Variants in DCC observed in about 807,000 individuals in gnomAD.
The protein encoded by DCC is netrin receptor DCC.
DCC carries 58 observed loss-of-function variants against 172.5 expected under a neutral mutation model. The observed-to-expected ratio is 0.34, with a 90% CI of 0.27 to 0.42. The LOEUF (loss-of-function observed/expected upper bound fraction) is 0.42, where lower values mean the gene tolerates loss of function less well. DCC is among the 10% of genes least tolerant of loss of function. The pLI is 1.00. For missense variants in DCC, 1,740 were observed against 1,791.0 expected (o/e 0.97, Z 0.51); for synonymous variants, 709 against 644.5 (o/e 1.10, Z -1.52).
At chr18:52,573,887 C>T (rs2033355087) in intron 1 of DCC, among the ~76,000 whole-genome samples, 1 of 152,164 alleles carries the variant, frequency 6.6e-6, no homozygotes, top group Non-Finnish European at 1.5e-5. Context: ...ATGACCACCT[C>T]TTATCAGTTT....
chr18:52,415,914 G>A lies in DCC; in HGVS notation c.91+75036G>A, dbSNP rs1250577148. The stretch of plus-strand genomic sequence containing the variant: ...TTTAGTTATTTCTTGCCGTCTGCTA[G>A]CTTTTGAATATGTTTGCTCTTGCTT... On this transcript the variant is annotated intron_variant, in intron 1 of 28. Coordinates refer to ENST00000442544, the MANE Select transcript of DCC (RefSeq NM_005215.4). Among the ~76,000 whole-genome samples the A allele has an allele frequency of 4.6e-5, 7 of 152,096 alleles. No homozygotes were observed. In the East Asian group the frequency reaches 1.2e-3, roughly 25 times the overall value.
At chr18:53,260,924 C>T (rs1487692189) in intron 12 of DCC, among the ~76,000 whole-genome samples, 7 of 152,126 alleles carry the variant, frequency 4.6e-5, no homozygotes, top group East Asian at 3.9e-4. Context: ...CCCCCAGCCT[C>T]GCTGCCACCT....
intron 1 of DCC, among the ~76,000 whole-genome samples, chr18:52,497,613 G>T (rs1440726029): frequency 6.6e-6 from 1 of 151,686 alleles, no homozygotes; most frequent in Non-Finnish European, 1.5e-5. Context: ...TAAATTTTAG[G>T]ATGAATCCCA....
At chr18:53,047,383 ATATT>A (rs2042263170) in intron 5 of DCC, among the ~76,000 whole-genome samples, 1 of 124,444 alleles carries the variant, frequency 8.0e-6, no homozygotes, top group Admixed American at 8.7e-5. Context: ...TATACTTTAT[ATATT>A]ATATAAAATA....
At chr18:52,736,243 G>A (rs2036725249) in intron 1 of DCC, among the ~76,000 whole-genome samples, 1 of 149,708 alleles carries the variant, frequency 6.7e-6, no homozygotes, top group East Asian at 2.0e-4. Context: ...AGGATCAAAA[G>A]AGGCTGTTAT....
chr18:52,766,285 G>A (rs62081917), intron 2 of DCC, among the ~76,000 whole-genome samples: 14,690 of 152,224 alleles, frequency 0.097, 909 homozygotes, highest in Middle Eastern at 0.2. Flanking sequence ...CTGCAATTCC[G>A]GAAGGCCCAG....
At chr18:52,414,814 A>T (rs914523906) in intron 1 of DCC, among the ~76,000 whole-genome samples, 7 of 152,230 alleles carry the variant, frequency 4.6e-5, no homozygotes, top group Non-Finnish European at 7.3e-5. Context: ...TGAAAAATGC[A>T]GTAGTTAATT....
chr18:53,434,085 C>G (rs1705506651), intron 21 of DCC, among the ~76,000 whole-genome samples: 1 of 151,948 alleles, frequency 6.6e-6, no homozygotes, highest in Non-Finnish European at 1.5e-5. Context: ...GTTTGTCATG[C>G]AAAATAAAGT....
At chr18:52,467,446 A>G (rs1182646926) in intron 1 of DCC, among the ~76,000 whole-genome samples, 1 of 152,170 alleles carries the variant, frequency 6.6e-6, no homozygotes, top group African/African-American at 2.4e-5. Flanking sequence ...CCAGTCTATC[A>G]TTGATGGACA....
chr18:53,305,685 A>G lies in DCC; in HGVS notation c.2019A>G (p.Thr673=), dbSNP rs1416263579. Residue 673 remains threonine, a synonymous_variant, in exon 13 of 29, where the codon ACA becomes ACG. Transcript: ENST00000442544. ...CGACCCGCAGGGGTGAGATGGAAAC[A>G]CTGGAGCCAAACAACCTCTGGTACC... is the stretch of plus-strand genomic sequence containing the variant. The part of the protein sequence containing the change: ...RKTTRRGEME[T]LEPNNLWYLF... The G allele has an allele frequency of 6.2e-7, 1 of 1,614,060 alleles. No homozygotes were observed. Among genetic ancestry groups the G allele is most frequent in the Admixed American group, 1.7e-5 (1 of 60,014 alleles).
chr18:52,925,633 T>G (rs929988309), intron 5 of DCC, among the ~76,000 whole-genome samples: 10 of 151,978 alleles, frequency 6.6e-5, no homozygotes, highest in Admixed American at 2.6e-4. Flanking sequence ...CCAAAAATTA[T>G]TAATGGCAGA....
At chr18:52,354,508 C>G (rs571249655) in intron 1 of DCC, among the ~76,000 whole-genome samples, 29 of 152,188 alleles carry the variant, frequency 1.9e-4, no homozygotes, top group Admixed American at 1.7e-3. Context: ...TTTTTTTAAC[C>G]AACTCCTTGG....
chr18:53,353,584 T>A (rs1340638799), intron 15 of DCC, among the ~76,000 whole-genome samples: 1 of 152,160 alleles, frequency 6.6e-6, no homozygotes, highest in East Asian at 1.9e-4. Flanking sequence ...TGTAACATCA[T>A]TGTGCTGGTG....
chr18:53,041,338 TTCTGAAGCC>T (rs1361870806), intron 5 of DCC, among the ~76,000 whole-genome samples: 1 of 152,040 alleles, frequency 6.6e-6, no homozygotes, highest in Non-Finnish European at 1.5e-5. Flanking sequence ...GTGGTGTTAT[TTCTGAAGCC>T]TCTGTTTTAA....
At chr18:53,221,611 T>C (rs2055933318) in intron 12 of DCC, among the ~76,000 whole-genome samples, 1 of 152,132 alleles carries the variant, frequency 6.6e-6, no homozygotes. Flanking sequence ...TTCTACCCAA[T>C]TACAGAATCC....
chr18:52,379,955 G>T (rs1343324634), intron 1 of DCC, among the ~76,000 whole-genome samples: 1 of 152,128 alleles, frequency 6.6e-6, no homozygotes, highest in Non-Finnish European at 1.5e-5. Flanking sequence ...TAGTTCTGGA[G>T]GCTGGGAAGT....
intron 1 of DCC, among the ~76,000 whole-genome samples, chr18:52,447,663 A>C (rs544698823): frequency 6.6e-6 from 1 of 152,302 alleles, no homozygotes; most frequent in South Asian, 2.1e-4. Flanking sequence ...CTGTTCAGGA[A>C]GCATGATGGC....
intron 7 of DCC, among the ~76,000 whole-genome samples, chr18:53,098,783 A>T (rs900875786): frequency 4.6e-5 from 7 of 152,060 alleles, no homozygotes; most frequent in African/African-American, 1.7e-4. Flanking sequence ...ATGGCATGAG[A>T]ATTGTTTGAG....
At chr18:53,215,504 A>C in intron 11 of DCC, 44 bp from the exon 12 acceptor site, 1 of 1,530,456 alleles carries the variant, frequency 6.5e-7, no homozygotes, top group Non-Finnish European at 9.1e-7. Flanking sequence ...TTTTTCTTTC[A>C]AGATTTTGGC....
Sources: gnomAD v4.1 joint callset for allele counts (sites outside exome capture counted in the v4.1 genomes callset) on GRCh38, gnomAD v4.1.1 for gene constraint, MANE v1.5 for transcripts, NCBI Gene and HGNC (gene_info 2026-07-23, HGNC 2026-07-21) for gene names.